Variants in RIPOR1 observed in about 807,000 individuals in gnomAD.
RIPOR1 encodes the protein rho family-interacting cell polarization regulator 1.
RIPOR1 carries 58 observed loss-of-function variants against 116.5 expected under a neutral mutation model. That is an observed-to-expected ratio of 0.50 (90% CI 0.40 to 0.62). The LOEUF (loss-of-function observed/expected upper bound fraction) is 0.62, where lower values mean the gene tolerates loss of function less well. Ranked by LOEUF, RIPOR1 falls within the 20% of genes least tolerant of loss-of-function variation. The pLI is 0.00. For synonymous variants in RIPOR1, 605 were observed against 650.0 expected (o/e 0.93, Z 1.05); for missense variants, 1,372 against 1,586.2 (o/e 0.86, Z 2.29).
chr16:67,545,699 G>A lies in RIPOR1; in HGVS notation c.3226G>A (p.Ala1076Thr). ...GCGGAATCTGAACTCGGATGATCAG[G>A]CTGTTGTGCTGAAGGCCCTGAGATT... The part of the protein sequence containing the change: ...LVRNLNSDDQ[A>T]VVLKALRLAP... Residue 1076 changes from alanine (A) to threonine (T), a missense_variant, in exon 19 of 22, where the codon GCT (alanine) becomes ACT (threonine). Transcript: ENST00000042381. This position sits in a 1 kb window ranked among gnomAD's most constrained non-coding sequence, Gnocchi z 4.8. 2 of 1,583,634 alleles carry A rather than the reference G, an allele frequency of 1.3e-6. No homozygotes were observed. The highest frequency in any genetic ancestry group is 1.7e-6 in the Non-Finnish European group (2 of 1,165,054).
chr16:67,531,398 A>G lies in RIPOR1; in HGVS notation c.-24+2484A>G. On this transcript the variant is annotated intron_variant, in intron 1 of 21. Transcript: ENST00000042381. The surrounding 1 kb of genome is among the most constrained non-coding windows in gnomAD (Gnocchi z 4.2). Reference sequence around the variant, plus strand: ...GCCAAGCAGATATGCCCCAGGTCTCACAAGGTTCAGTCTGGTGGGAAGACA... The same window carrying G: ...GCCAAGCAGATATGCCCCAGGTCTCGCAAGGTTCAGTCTGGTGGGAAGACA... 3.7e-6 allele frequency: 1 copy of G among 273,280 alleles called. No individual in the cohort carries two copies. The allele number at this position is 273,280 out of a possible 1,614,324, so 16.9% of individuals were successfully genotyped here.
Position 67,542,006 on chromosome 16 carries a change from C to T in RIPOR1, c.1220C>T (p.Pro407Leu). ...GCCCCTAGGCCCCTGGTGCAGCAGC[C>T]CGAGCCCCTTCCCATCCAAGTTGCC... ...SPAPRPLVQQ[P>L]EPLPIQVAFR... The change falls in exon 13 of 22, where the codon CCC (proline) becomes CTC (leucine). Residue 407 changes from proline (P) to leucine (L), a missense_variant. Coordinates refer to ENST00000042381, the MANE Select transcript of RIPOR1 (RefSeq NM_024519.4). The surrounding 1 kb of genome is among the most constrained non-coding windows in gnomAD (Gnocchi z 4.6). 1 of 1,610,342 alleles carries T rather than the reference C, an allele frequency of 6.2e-7. No individual in the cohort carries two copies.
Position 67,537,657 on chromosome 16 carries a change from G to T in RIPOR1, c.-23-767G>T. On this transcript the variant is annotated intron_variant, in intron 1 of 21. Coordinates refer to ENST00000042381, the MANE Select transcript of RIPOR1 (RefSeq NM_024519.4). This position sits in a 1 kb window ranked among gnomAD's most constrained non-coding sequence, Gnocchi z 4.6. ...ACTGGCCCCAGGGGAAGCAGGCCGGGTTTGGGGGCCAGGAGTGTGTGTTTC... is the reference window on the plus strand; with the variant it reads ...ACTGGCCCCAGGGGAAGCAGGCCGGTTTTGGGGGCCAGGAGTGTGTGTTTC... 1 of 1,216,808 alleles carries T rather than the reference G, an allele frequency of 8.2e-7. No homozygotes were observed. The highest frequency in any genetic ancestry group is 1.1e-6 in the Non-Finnish European group (1 of 930,306). The allele number at this position is 1,216,808 out of a possible 1,614,324, so 75.4% of individuals were successfully genotyped here.
At position 67,544,730 on chromosome 16, in the gene RIPOR1, G is replaced by A; in HGVS notation, c.2769G>A (p.Glu923=). The change falls in exon 16 of 22, where the codon GAG becomes GAA. Residue 923 remains glutamate, a synonymous_variant. Coordinates refer to ENST00000042381, the MANE Select transcript of RIPOR1 (RefSeq NM_024519.4). This position sits in a 1 kb window ranked among gnomAD's most constrained non-coding sequence, Gnocchi z 5.1. ...CATTTGGGCCCCTGCGCTGCCAGGA[G>A]GCATGGGCCCTGGAGCGGCTGCTGC... ...LGTFGPLRCQ[E]AWALERLLRE... The A allele has an allele frequency of 3.7e-6, 6 of 1,613,526 alleles. No homozygotes were observed. Among genetic ancestry groups the A allele is most frequent in the Non-Finnish European group, 4.2e-6 (5 of 1,179,912 alleles).
chr16:67,546,037 C>A lies in RIPOR1; in HGVS notation c.3471+5C>A. ...CTGGCCCTAGGCTGCATCAAGGTGACCCCTGCCAACCCTCCCACCCCTCTG... is the reference window on the plus strand; with the variant it reads ...CTGGCCCTAGGCTGCATCAAGGTGAACCCTGCCAACCCTCCCACCCCTCTG... On this transcript the variant is annotated splice_donor_5th_base_variant and intron_variant, in intron 20 of 21. Coordinates refer to ENST00000042381, the MANE Select transcript of RIPOR1 (RefSeq NM_024519.4). The A allele has an allele frequency of 6.2e-7, 1 of 1,612,568 alleles. No individual in the cohort carries two copies. The highest frequency in any genetic ancestry group is 8.5e-7 in the Non-Finnish European group (1 of 1,179,846).
intron 1 of RIPOR1, among the ~76,000 whole-genome samples, chr16:67,536,624 G>A (rs745828502): frequency 1.1e-4 from 16 of 152,030 alleles, no homozygotes; most frequent in Non-Finnish European, 2.4e-4. Flanking sequence ...CTCAGGCTGA[G>A]CACTCCCTCT....
upstream of RIPOR1, among the ~76,000 whole-genome samples, chr16:67,525,302 C>T (rs904798318): frequency 1.3e-5 from 2 of 152,144 alleles, no homozygotes; most frequent in Non-Finnish European, 2.9e-5. Flanking sequence ...GACTGTGAGC[C>T]CTGTGGGAAG....
chr16:67,529,841 C>G lies in RIPOR1; in HGVS notation c.-24+927C>G. 1 of 1,534,000 alleles carries G rather than the reference C, an allele frequency of 6.5e-7. No individual in the cohort carries two copies. Among genetic ancestry groups the G allele is most frequent in the Non-Finnish European group, 8.7e-7 (1 of 1,144,938 alleles). Reference sequence around the variant, plus strand: ...GAGGGTTATGACCATCTGGCAGATGCAGAAACAGGCCCAGAGAGGTTAGTA... The same window carrying G: ...GAGGGTTATGACCATCTGGCAGATGGAGAAACAGGCCCAGAGAGGTTAGTA... On this transcript the variant is annotated intron_variant, in intron 1 of 21. Coordinates refer to ENST00000042381, the MANE Select transcript of RIPOR1 (RefSeq NM_024519.4). This position sits in a 1 kb window ranked among gnomAD's most constrained non-coding sequence, Gnocchi z 4.1.
intron 1 of RIPOR1, among the ~76,000 whole-genome samples, chr16:67,533,238 A>G (rs1325284007): frequency 6.6e-6 from 1 of 152,210 alleles, no homozygotes; most frequent in Non-Finnish European, 1.5e-5. Context: ...CCTCAAACCC[A>G]GCATGCACTA....
Position 67,538,838 on chromosome 16 carries a change from C to A in RIPOR1, c.257+14C>A, listed in dbSNP as rs1282479473. Reference sequence around the variant, plus strand: ...GCGGGGCCTGACGTGAGCAGCTCCTCTGTTCCCAGCCCTGTCCCGGGATCC... The same window carrying A: ...GCGGGGCCTGACGTGAGCAGCTCCTATGTTCCCAGCCCTGTCCCGGGATCC... On this transcript the variant is annotated intron_variant, in intron 3 of 21. Coordinates refer to ENST00000042381, the MANE Select transcript of RIPOR1 (RefSeq NM_024519.4). The A allele has an allele frequency of 6.2e-7, 1 of 1,612,218 alleles. No individual in the cohort carries two copies. The highest frequency in any genetic ancestry group is 2.2e-5 in the East Asian group (1 of 44,880).
At chr16:67,536,277 G>A (rs1038986860) in intron 1 of RIPOR1, among the ~76,000 whole-genome samples, 7 of 152,182 alleles carry the variant, frequency 4.6e-5, no homozygotes, top group Non-Finnish European at 7.4e-5. Flanking sequence ...GTGAAACCCC[G>A]TCTCTATTAA....
rs2051008352 is a variant in RIPOR1, at chr16:67,542,212, G to A, written c.1426G>A (p.Gly476Arg). 6.2e-7 allele frequency: 1 copy of A among 1,613,666 alleles called. No individual in the cohort carries two copies. The highest frequency in any genetic ancestry group is 1.3e-5 in the African/African-American group (1 of 74,964). Reference sequence around the variant, plus strand: ...CGTTGGCCCAGAAAGCCTAGCCTGGGGACCTAGCCCACCTACACACCCAGC... The same window carrying A: ...CGTTGGCCCAGAAAGCCTAGCCTGGAGACCTAGCCCACCTACACACCCAGC... ...EAVGPESLAW[G>R]PSPPTHPAPT... Residue 476 changes from glycine to arginine, a missense_variant, in exon 13 of 22, where the codon GGA becomes AGA. Physicochemically the swap from Gly to Arg is moderately radical, Grantham distance 125. Coordinates refer to ENST00000042381, the MANE Select transcript of RIPOR1 (RefSeq NM_024519.4). This position sits in a 1 kb window ranked among gnomAD's most constrained non-coding sequence, Gnocchi z 4.6.
At position 67,538,978 on chromosome 16, in the gene RIPOR1, C is replaced by T; in HGVS notation, c.258-12C>T. ...GAGCCGAGTTCATTCTTGTGGTCGC[C>T]CCTTTCCTCAGGGCCTACTTGGAAG... On this transcript the variant is annotated splice_polypyrimidine_tract_variant and intron_variant, in intron 3 of 21. Transcript: ENST00000042381. 2 of 1,613,914 alleles carry T rather than the reference C, an allele frequency of 1.2e-6. No individual in the cohort carries two copies. The highest frequency in any genetic ancestry group is 2.2e-5 in the East Asian group (1 of 44,874).
chr16:67,542,482 C>T lies in RIPOR1; in HGVS notation c.1696C>T (p.Leu566Phe), dbSNP rs751755867. The T allele has an allele frequency of 5.0e-6, 8 of 1,613,934 alleles. No individual in the cohort carries two copies. Among genetic ancestry groups the T allele is most frequent in the East Asian group, 2.2e-5 (1 of 44,884 alleles). ...CACTACCCACAGTGCTCCAAGCCCCCTCACTCACACTACTACAGGCTCCAC... is the reference window on the plus strand; with the variant it reads ...CACTACCCACAGTGCTCCAAGCCCCTTCACTCACACTACTACAGGCTCCAC... ...ITTTHSAPSP[L>F]THTTTGSTHK... The change falls in exon 13 of 22, where the codon CTC becomes TTC. Residue 566 changes from leucine to phenylalanine, a missense_variant. Physicochemically the swap from Leu to Phe is conservative, Grantham distance 22 (BLOSUM62 0). This residue lies in a region of RIPOR1 where 1,005 missense variants were observed against 1,144.7 expected (regional missense o/e 0.88). Coordinates refer to ENST00000042381, the MANE Select transcript of RIPOR1 (RefSeq NM_024519.4). The surrounding 1 kb of genome is among the most constrained non-coding windows in gnomAD (Gnocchi z 4.6).
rs370845659 is a variant in RIPOR1 at position 67,540,038 on chromosome 16, C to A, written c.415-15C>A. 225 of 1,614,084 alleles carry A rather than the reference C, an allele frequency of 1.4e-4. 1 individual carries two copies. In the African/African-American group the frequency reaches 2.7e-3, roughly 20 times the overall value. On this transcript the variant is annotated splice_polypyrimidine_tract_variant and intron_variant, in intron 6 of 21. Transcript: ENST00000042381. The surrounding 1 kb of genome is among the most constrained non-coding windows in gnomAD (Gnocchi z 4.7). Reference sequence around the variant, plus strand: ...AGTCTCAGTCCCCCTACTGTCACCCCACTCACCTTCCCAGATCGATGAGCT... The same window carrying A: ...AGTCTCAGTCCCCCTACTGTCACCCAACTCACCTTCCCAGATCGATGAGCT...
At chr16:67,534,059 A>C (rs1215830209) in intron 1 of RIPOR1, among the ~76,000 whole-genome samples, 3 of 142,394 alleles carry the variant, frequency 2.1e-5, no homozygotes, top group Non-Finnish European at 3.0e-5. Flanking sequence ...ACTTCAGGTG[A>C]TCCACCTGCC....
chr16:67,522,328 G>A (rs1057296282), intron 1 of RIPOR1, among the ~76,000 whole-genome samples: 2 of 147,878 alleles, frequency 1.4e-5, no homozygotes, highest in East Asian at 2.1e-4. Context: ...TCAGCCTCCC[G>A]AGTAGCTGGG....
Position 67,540,297 on chromosome 16 carries a change from CAGAG to C in RIPOR1, c.568-2_569del, listed in dbSNP as rs1169061860. The C allele has an allele frequency of 6.2e-7, 1 of 1,614,018 alleles. No individual in the cohort carries two copies. The highest frequency in any genetic ancestry group is 8.5e-7 in the Non-Finnish European group (1 of 1,180,030). On this transcript the variant is annotated splice_acceptor_variant and coding_sequence_variant, in exon 8 of 22. Coordinates refer to ENST00000042381, the MANE Select transcript of RIPOR1 (RefSeq NM_024519.4). LOFTEE classifies it high-confidence loss of function. The surrounding 1 kb of genome is among the most constrained non-coding windows in gnomAD (Gnocchi z 4.7). ...CCCTCCTGTCCCTGCCCCTCCCTCC[CAGAG>C]CATGTGTCTGCTGGAGAGCGAGCTG... is the stretch of plus-strand genomic sequence containing the variant.
Position 67,531,659 on chromosome 16 carries a change from AC to A in RIPOR1, c.-24+2746del, listed in dbSNP as rs2050664283. ...TTGAGAGAGGGTCTCAGTTGCTGGA[AC>A]AGAGAAAGCAGGGGACTGGGAGGAG... On this transcript the variant is annotated intron_variant, in intron 1 of 21. Transcript: ENST00000042381. The surrounding 1 kb of genome is among the most constrained non-coding windows in gnomAD (Gnocchi z 4.2). 2 of 454,214 alleles carry A rather than the reference AC, an allele frequency of 4.4e-6. No homozygotes were observed. Among genetic ancestry groups the A allele is most frequent in the Admixed American group, 2.4e-5 (1 of 42,248 alleles). 28.1% of individuals were successfully genotyped at this position (454,214 alleles called of 1,614,324 possible).
Sources: allele counts gnomAD v4.1 joint callset (sites outside exome capture counted in the v4.1 genomes callset), GRCh38; gene constraint gnomAD v4.1.1; regional missense constraint gnomAD v4.1.1; non-coding constraint Gnocchi (gnomAD v3.1); transcripts MANE v1.5; gene names NCBI Gene and HGNC (gene_info 2026-07-23, HGNC 2026-07-21).